SETD5: variants seen among roughly 807,000 people sequenced by gnomAD.
The protein encoded by SETD5 is SET domain containing 5.
In SETD5, 44 loss-of-function variants were observed where a neutral mutation model predicts 153.3. The ratio of observed to expected loss-of-function variants is 0.29; its 90% CI spans 0.23 to 0.37. SETD5 has a LOEUF of 0.37. Among genes scored for constraint, SETD5 ranks in the 10% least tolerant of loss-of-function variants. SETD5 has a pLI of 1.00. For synonymous variants in SETD5, 716 were observed against 645.2 expected (o/e 1.11, Z -1.66); for missense variants, 1,544 against 1,768.0 (o/e 0.87, Z 2.27).
intron 1 of SETD5, among the ~76,000 whole-genome samples, chr3:9,414,836 T>G (rs2037171067): frequency 6.6e-6 from 1 of 152,178 alleles, no homozygotes; most frequent in Non-Finnish European, 1.5e-5. Context: ...TTAATTTTTT[T>G]GTTATTGGTT....
intron 4 of SETD5, 28 bp downstream of exon 4, chr3:9,433,978 A>T: frequency 6.2e-7 from 1 of 1,613,348 alleles, no homozygotes; most frequent in Non-Finnish European, 8.5e-7. Flanking sequence ...TCTCTCCAGA[A>T]CAGTGATCTT....
intron 1 of SETD5, among the ~76,000 whole-genome samples, chr3:9,411,031 G>T (rs1316904558): frequency 6.6e-6 from 1 of 152,024 alleles, no homozygotes; most frequent in African/African-American, 2.4e-5. Flanking sequence ...TGGGACTACA[G>T]GTGCCTGCCA....
intron 13 of SETD5, among the ~76,000 whole-genome samples, chr3:9,446,306 A>AAAAAAAAAC (rs1553624517): frequency 8.3e-6 from 1 of 120,196 alleles, no homozygotes; most frequent in Non-Finnish European, 1.6e-5. Context: ...AAAAAAAAAA[A>AAAAAAAAAC]AATCTGGTTT....
chr3:9,464,805 C>G, intron 18 of SETD5, 133 bp downstream of exon 18: 1 of 1,435,674 alleles, frequency 7.0e-7, no homozygotes. Context: ...AATGGGAAAC[C>G]TCAGGGTCAT....
At chr3:9,409,558 A>G (rs1446279445) in intron 1 of SETD5, among the ~76,000 whole-genome samples, 5 of 152,076 alleles carry the variant, frequency 3.3e-5, no homozygotes, top group Non-Finnish European at 2.9e-5. Context: ...GCTTCCTACT[A>G]TTACTAGATG....
At chr3:9,404,786 A>G (rs1250575289) in intron 1 of SETD5, among the ~76,000 whole-genome samples, 1 of 152,218 alleles carries the variant, frequency 6.6e-6, no homozygotes, top group Non-Finnish European at 1.5e-5. Flanking sequence ...AAAGTGAGAC[A>G]GTAAGGGACC....
intron 18 of SETD5, among the ~76,000 whole-genome samples, chr3:9,469,884 A>G (rs1300450046): frequency 6.6e-6 from 1 of 152,240 alleles, no homozygotes; most frequent in Non-Finnish European, 1.5e-5. Flanking sequence ...CTTCTTTAAC[A>G]GTGAAAGTGA....
chr3:9,451,205 A>C (rs1394726040), intron 16 of SETD5, among the ~76,000 whole-genome samples: 2 of 152,162 alleles, frequency 1.3e-5, no homozygotes, highest in African/African-American at 4.8e-5. Context: ...CATTTTATAC[A>C]CTGGAGCATT....
At chr3:9,472,647 C>G (rs1242979191) in intron 19 of SETD5, among the ~76,000 whole-genome samples, 1 of 151,842 alleles carries the variant, frequency 6.6e-6, no homozygotes, top group Non-Finnish European at 1.5e-5. Context: ...TTTAAGTATC[C>G]TGGAGCATTG....
Position 9,477,855 on chromosome 3 carries a change from G to A in SETD5, c.*1764G>A, listed in dbSNP as rs1397530525. ...CGTATGTAAATGTCTCTCCATTTGG[G>A]CTGGGGTTTGCATTCTCCCCTTGGC... is the stretch of plus-strand genomic sequence containing the variant. On this transcript the variant is annotated 3_prime_UTR_variant, in exon 23 of 23. Transcript: ENST00000402198. 1 of 152,192 alleles carries A rather than the reference G, an allele frequency of 6.6e-6. No homozygotes were observed. Among genetic ancestry groups the A allele is most frequent in the East Asian group, 1.9e-4 (1 of 5,156 alleles). 9.4% of individuals were successfully genotyped at this position (152,192 alleles called of 1,614,324 possible).
Position 9,426,252 on chromosome 3 carries a change from T to TTTTTG in SETD5, c.-117+1726_-117+1727insTTTTG, listed in dbSNP as rs2039222851. The TTTTTG allele has an allele frequency of 1.5e-5, 2 of 134,874 alleles. 1 individual carries two copies. Among genetic ancestry groups the TTTTTG allele is most frequent in the Non-Finnish European group, 3.0e-5 (2 of 66,822 alleles). The allele number at this position is 134,874 out of a possible 1,614,324, so 8.4% of individuals were successfully genotyped here. ...TTTTTTTTTTTTTTTTTTTTTTTTTTGGCAACAGGGACTCACTTTGTTGCC... is the reference window on the plus strand; with the variant it reads ...TTTTTTTTTTTTTTTTTTTTTTTTTTTTTTGGGCAACAGGGACTCACTTTGTTGCC... On this transcript the variant is annotated intron_variant, in intron 2 of 22. Transcript: ENST00000402198.
intron 3 of SETD5, chr3:9,431,908 A>G (rs1338753777): frequency 6.1e-6 from 1 of 163,514 alleles, no homozygotes; most frequent in Non-Finnish European, 1.3e-5. Context: ...AAACCTATAT[A>G]AAATATGTAC....
chr3:9,400,921 T>G (rs978175388), intron 1 of SETD5, among the ~76,000 whole-genome samples: 3 of 152,228 alleles, frequency 2.0e-5, no homozygotes, highest in African/African-American at 7.2e-5. Context: ...CACCACCAAT[T>G]ATATGCAATA....
rs770600174 is a variant in SETD5, at chr3:9,447,046, C to T, written c.1525-4C>T. On this transcript the variant is annotated splice_polypyrimidine_tract_variant and splice_region_variant and intron_variant, in intron 13 of 22. Coordinates refer to ENST00000402198, the MANE Select transcript of SETD5 (RefSeq NM_001080517.3). ...CCTTCTACACCAGTACTATCTCTTT[C>T]TAGACCAGGGAAGATAGAAAGGTAG... is the stretch of plus-strand genomic sequence containing the variant. 5.6e-6 allele frequency: 9 copies of T among 1,607,052 alleles called. No homozygotes were observed. Among genetic ancestry groups the T allele is most frequent in the African/African-American group, 5.4e-5 (4 of 74,338 alleles).
intron 2 of SETD5, among the ~76,000 whole-genome samples, chr3:9,428,494 T>C (rs1440866892): frequency 5.9e-5 from 9 of 152,342 alleles, no homozygotes; most frequent in Middle Eastern, 3.4e-3. Flanking sequence ...TTAAAACTTG[T>C]TTGCTATATC....
Position 9,430,524 on chromosome 3 carries a change from C to T in SETD5, c.71+1515C>T, listed in dbSNP as rs564161407. The T allele has an allele frequency of 1.6e-5, 4 of 246,406 alleles. No homozygotes were observed. In the South Asian group the frequency reaches 6.0e-4, roughly 37 times the overall value. 15.3% of individuals were successfully genotyped at this position (246,406 alleles called of 1,614,324 possible). A position where few individuals can be genotyped will look rare whatever the true frequency, so the allele number is the denominator to read the frequency against. On this transcript the variant is annotated intron_variant, in intron 3 of 22. Coordinates refer to ENST00000402198, the MANE Select transcript of SETD5 (RefSeq NM_001080517.3). ...CTTAACCATTTTACAACTCTTTCCC[C>T]AAATAAAGTACTTAAAACTCTCCCT...
chr3:9,448,961 A>G (rs1296354262), intron 16 of SETD5, among the ~76,000 whole-genome samples: 1 of 152,170 alleles, frequency 6.6e-6, no homozygotes, highest in Admixed American at 6.5e-5. Context: ...TGCTCTTGTG[A>G]TATGGGTTAA....
chr3:9,454,578 C>T (rs111810899), intron 17 of SETD5, among the ~76,000 whole-genome samples: 38 of 129,062 alleles, frequency 2.9e-4, no homozygotes, highest in African/African-American at 9.4e-4. Flanking sequence ...GCCAAGATCA[C>T]GCCACTGCAC....
chr3:9,426,365 A>C (rs1034876448), intron 2 of SETD5, among the ~76,000 whole-genome samples: 3 of 149,066 alleles, frequency 2.0e-5, no homozygotes, highest in African/African-American at 7.4e-5. Context: ...CTCTTGAGTT[A>C]GCTGGGACTA....
Sources: gnomAD v4.1 joint callset for allele counts (sites outside exome capture counted in the v4.1 genomes callset) on GRCh38, gnomAD v4.1.1 for gene constraint, MANE v1.5 for transcripts, NCBI Gene and HGNC (gene_info 2026-07-23, HGNC 2026-07-21) for gene names.